Variants in PCDH9 observed in about 807,000 individuals in gnomAD.
PCDH9 encodes protocadherin 9.
PCDH9 carries 24 observed loss-of-function variants against 70.6 expected under a neutral mutation model. The ratio of observed to expected loss-of-function variants is 0.34; its 90% CI spans 0.25 to 0.48. The LOEUF (loss-of-function observed/expected upper bound fraction) is 0.48. Among genes scored for constraint, PCDH9 ranks in the 20% least tolerant of loss-of-function variants. PCDH9 has a pLI of 0.99. For missense variants in PCDH9, 1,281 were observed against 1,503.6 expected (o/e 0.85, Z 2.45); for synonymous variants, 562 against 558.5 (o/e 1.01, Z -0.09).
At chr13:66,978,592 A>G (rs2083670394) in intron 2 of PCDH9, 1 of 151,314 alleles carries the variant, frequency 6.6e-6, no homozygotes, top group Non-Finnish European at 1.5e-5. Context: ...CTTCTTTTGT[A>G]GAAGTATGTG....
chr13:66,837,469 C>G (rs540417816), intron 3 of PCDH9, among the ~76,000 whole-genome samples: 1 of 152,250 alleles, frequency 6.6e-6, no homozygotes, highest in East Asian at 1.9e-4. Context: ...ACCCTGCCCA[C>G]GACCGCTGCG....
intron 2 of PCDH9, among the ~76,000 whole-genome samples, chr13:67,132,585 A>C (rs2087134271): frequency 6.6e-6 from 1 of 152,154 alleles, no homozygotes. Context: ...AGTTCATAGC[A>C]ACAATGGCAG....
chr13:67,051,503 C>T (rs2085325079), intron 2 of PCDH9, among the ~76,000 whole-genome samples: 1 of 146,962 alleles, frequency 6.8e-6, no homozygotes, highest in African/African-American at 2.5e-5. Context: ...AGTGATTCTC[C>T]TGCCTCAGCC....
At chr13:66,838,632 AT>A (rs1038928710) in intron 3 of PCDH9, among the ~76,000 whole-genome samples, 15 of 149,938 alleles carry the variant, frequency 1.0e-4, no homozygotes, top group African/African-American at 3.6e-4. Flanking sequence ...ACTCTGGTAC[AT>A]AAAAACCCAT....
chr13:66,722,483 G>A (rs1346968849), intron 3 of PCDH9, among the ~76,000 whole-genome samples: 1 of 151,968 alleles, frequency 6.6e-6, no homozygotes, highest in Non-Finnish European at 1.5e-5. Flanking sequence ...GACTATCCAG[G>A]GTCACTCCTT....
At chr13:66,404,909 A>C (rs796230234) in intron 4 of PCDH9, among the ~76,000 whole-genome samples, 11 of 152,268 alleles carry the variant, frequency 7.2e-5, no homozygotes, top group African/African-American at 2.6e-4. Context: ...ACATACTGTA[A>C]AACCAGATTC....
In PCDH9 at chr13:67,228,226, T is replaced by C; in HGVS notation, c.215A>G (p.Asp72Gly). 6.2e-7 allele frequency: 1 copy of C among 1,612,564 alleles called. No homozygotes were observed. Among genetic ancestry groups the C allele is most frequent in the Non-Finnish European group, 8.5e-7 (1 of 1,179,288 alleles). The change falls in exon 2 of 5, where the codon GAT becomes GGT. Residue 72 changes from aspartate to glycine, a missense_variant. This residue lies in a region of PCDH9 where 798 missense variants were observed against 1,003.1 expected (regional missense o/e 0.80). Coordinates refer to ENST00000377865, the MANE Select transcript of PCDH9 (RefSeq NM_203487.3). ...GCTGGAAACTTTCACCAAAGGGGCA[T>C]CCCCAGCTTTAGAAACCAGTCTGTA... Reference protein sequence around the residue: ...LVYRLVSKAGDAPLVKVSSST... With the variant: ...LVYRLVSKAGGAPLVKVSSST...
rs529945504 is a variant in PCDH9, at chr13:66,417,273, T to C, written c.3341-112245A>G. Among the ~76,000 whole-genome samples the C allele has an allele frequency of 2.6e-5, 4 of 152,258 alleles. No individual in the cohort carries two copies. In the East Asian group the frequency reaches 7.7e-4, roughly 29 times the overall value. On this transcript the variant is annotated intron_variant, in intron 4 of 4. Coordinates refer to ENST00000377865, the MANE Select transcript of PCDH9 (RefSeq NM_203487.3). ...ACTCCCACTTATGAGTAAGAATATG[T>C]GGTGTTTGGTTTTCTGTTCCTGTCT...
At chr13:67,165,820 A>G (rs190265166) in intron 2 of PCDH9, among the ~76,000 whole-genome samples, 14 of 152,286 alleles carry the variant, frequency 9.2e-5, no homozygotes, top group African/African-American at 3.4e-4. Context: ...TTTAAGACGC[A>G]TGGACATTTG....
chr13:66,943,405 A>G (rs1460049638), intron 2 of PCDH9, among the ~76,000 whole-genome samples: 2 of 152,048 alleles, frequency 1.3e-5, no homozygotes, highest in Non-Finnish European at 2.9e-5. Context: ...CTAGTTTTCT[A>G]TGTAGATAAT....
At chr13:66,626,656 G>C (rs1425667839) in intron 4 of PCDH9, among the ~76,000 whole-genome samples, 1 of 151,620 alleles carries the variant, frequency 6.6e-6, no homozygotes, top group Non-Finnish European at 1.5e-5. Flanking sequence ...AAAAATGGAA[G>C]AAAAAAAAGA....
At chr13:66,565,228 C>T (rs1028925656) in intron 4 of PCDH9, among the ~76,000 whole-genome samples, 1 of 152,120 alleles carries the variant, frequency 6.6e-6, no homozygotes, top group Admixed American at 6.5e-5. Context: ...TATCAGTAGA[C>T]TTTGAAACTC....
intron 2 of PCDH9, among the ~76,000 whole-genome samples, chr13:67,004,564 A>AAAAAAAG (rs1391505734): frequency 1.3e-5 from 2 of 148,200 alleles, no homozygotes; most frequent in African/African-American, 2.5e-5. Flanking sequence ...AAAAAAAAAA[A>AAAAAAAG]AAAGAAAGAA....
intron 3 of PCDH9, among the ~76,000 whole-genome samples, chr13:66,691,886 T>C (rs572051380): frequency 1.3e-5 from 2 of 152,310 alleles, no homozygotes; most frequent in South Asian, 4.1e-4. Context: ...ATGCTTATTA[T>C]ATATTGGAGT....
At chr13:66,498,234 T>A (rs932098733) in intron 4 of PCDH9, among the ~76,000 whole-genome samples, 6 of 150,622 alleles carry the variant, frequency 4.0e-5, no homozygotes, top group Admixed American at 2.6e-4. Context: ...AAGCTCCACT[T>A]CCCAGGTTCA....
chr13:66,968,439 A>G (rs1288868698), intron 2 of PCDH9, among the ~76,000 whole-genome samples: 1 of 151,986 alleles, frequency 6.6e-6, no homozygotes, highest in East Asian at 1.9e-4. Context: ...GTCCACTTAC[A>G]ATCAACTAAG....
chr13:66,439,932 T>C (rs1215787520), intron 4 of PCDH9, among the ~76,000 whole-genome samples: 1 of 152,158 alleles, frequency 6.6e-6, no homozygotes, highest in Admixed American at 6.5e-5. Context: ...TTTTAGATTG[T>C]AGGTAAGTTA....
At chr13:66,624,050 A>T (rs1307010211) in intron 4 of PCDH9, among the ~76,000 whole-genome samples, 1 of 152,214 alleles carries the variant, frequency 6.6e-6, no homozygotes, top group Non-Finnish European at 1.5e-5. Context: ...ATCCTTTAAA[A>T]TAACATTTAA....
intron 3 of PCDH9, among the ~76,000 whole-genome samples, chr13:66,708,915 A>G (rs2078754278): frequency 6.6e-6 from 1 of 152,174 alleles, no homozygotes. Flanking sequence ...TAGGGAGATG[A>G]TTATACCACC....
Sources: allele counts gnomAD v4.1 joint callset (sites outside exome capture counted in the v4.1 genomes callset), GRCh38; gene constraint gnomAD v4.1.1; regional missense constraint gnomAD v4.1.1; transcripts MANE v1.5; gene names NCBI Gene and HGNC (gene_info 2026-07-23, HGNC 2026-07-21).